CTPS2: variants seen among roughly 807,000 people sequenced by gnomAD.
The protein encoded by CTPS2 is CTP synthase 2.
In CTPS2, 19 loss-of-function variants were observed where a neutral mutation model predicts 46.8. The observed-to-expected ratio is 0.41, with a 90% confidence interval of 0.28 to 0.60. The LOEUF (loss-of-function observed/expected upper bound fraction) is 0.60, where lower values mean the gene tolerates loss of function less well. Ranked by LOEUF, CTPS2 falls within the 20% of genes least tolerant of loss-of-function variation. The probability of loss-of-function intolerance (pLI) is 0.35; values close to 1 mark genes in which losing one functional copy is unlikely to be tolerated. For synonymous variants in CTPS2, 151 were observed against 165.2 expected (o/e 0.91, Z 0.66); for missense variants, 286 against 447.6 (o/e 0.64, Z 3.26).
chrX:16,598,738 G>T (rs1476190432), intron 17 of CTPS2, among the ~76,000 whole-genome samples: 1 of 110,538 alleles, frequency 9.0e-6, no homozygotes, highest in Non-Finnish European at 1.9e-5. Context: ...TACCAAAGCC[G>T]GGCAGAGACA....
At chrX:16,710,615 TTTG>T (rs752125009) in intron 1 of CTPS2, among the ~76,000 whole-genome samples, 209 of 111,574 alleles carry the variant, frequency 1.9e-3, no homozygotes, top group Non-Finnish European at 3.6e-3. Context: ...TTCTTCCTAC[TTTG>T]TTGTTGTTGT....
At chrX:16,704,676 G>A (rs1186674995) in intron 1 of CTPS2, among the ~76,000 whole-genome samples, 2 of 111,478 alleles carry the variant, frequency 1.8e-5, no homozygotes, top group Admixed American at 9.6e-5. Context: ...CGCCGGGCAC[G>A]GTGGCTCACA....
chrX:16,653,482 C>T (rs57541709), intron 13 of CTPS2, among the ~76,000 whole-genome samples: 4,778 of 111,863 alleles, frequency 0.043, 273 homozygotes, highest in African/African-American at 0.15. Context: ...TGGTGGCACA[C>T]GCCTTTAGTC....
chrX:16,673,737 C>T (rs897798437), intron 10 of CTPS2, among the ~76,000 whole-genome samples: 1 of 112,043 alleles, frequency 8.9e-6, no homozygotes, highest in African/African-American at 3.2e-5. Context: ...AAAATAAAGA[C>T]ATTTGGTCTA....
At chrX:16,682,980 G>A in intron 9 of CTPS2, 114 bp downstream of exon 9, 1 of 788,245 alleles carries the variant, frequency 1.3e-6, no homozygotes. Flanking sequence ...TTCTTCTGGT[G>A]AATCGTAAGT....
Position 16,642,133 on chromosome X carries a change from C to T in CTPS2, c.1297-2890G>A, listed in dbSNP as rs188212577. On this transcript the variant is annotated intron_variant, in intron 13 of 18. Coordinates refer to ENST00000359276, the MANE Select transcript of CTPS2 (RefSeq NM_175859.3). ...TAATGAAAATACAAGTTTAAGTCAT[C>T]AAGAGTAAAATGTAGTATTTAGGCC... Among the ~76,000 whole-genome samples, 30 of 112,010 alleles carry T rather than the reference C, an allele frequency of 2.7e-4. No individual in the cohort carries two copies. In the East Asian group the frequency reaches 7.8e-3, roughly 29 times the overall value.
chrX:16,636,912 G>A (rs111387544), intron 14 of CTPS2, among the ~76,000 whole-genome samples: 3,065 of 109,509 alleles, frequency 0.028, 115 homozygotes, highest in African/African-American at 0.096. Context: ...GCCAGACTCC[G>A]TCTCAAAAAA....
intron 15 of CTPS2, among the ~76,000 whole-genome samples, chrX:16,617,521 G>A (rs1930598118): frequency 8.9e-6 from 1 of 112,097 alleles, no homozygotes; most frequent in Admixed American, 9.4e-5. Context: ...GGAACCTTGA[G>A]ACTAGTTATT....
At chrX:16,613,347 G>A (rs1422594016) in intron 16 of CTPS2, among the ~76,000 whole-genome samples, 1 of 111,722 alleles carries the variant, frequency 9.0e-6, no homozygotes, top group Non-Finnish European at 1.9e-5. Flanking sequence ...AGGAGGTATT[G>A]GAGAAGGGAT....
At chrX:16,666,618 C>T (rs1364054906) in intron 13 of CTPS2, among the ~76,000 whole-genome samples, 1 of 111,212 alleles carries the variant, frequency 9.0e-6, no homozygotes, top group East Asian at 2.8e-4. Flanking sequence ...CACTGCATTC[C>T]AGCCTGTGTG....
At chrX:16,655,529 T>C (rs1320898292) in intron 13 of CTPS2, among the ~76,000 whole-genome samples, 1 of 111,094 alleles carries the variant, frequency 9.0e-6, no homozygotes, top group African/African-American at 3.3e-5. Flanking sequence ...AGTTCAAATG[T>C]TAACGTTCAA....
At chrX:16,655,637 T>C (rs1932798967) in intron 13 of CTPS2, among the ~76,000 whole-genome samples, 1 of 111,671 alleles carries the variant, frequency 9.0e-6, no homozygotes, top group Non-Finnish European at 1.9e-5. Flanking sequence ...CTGACCCTAA[T>C]AGCCTGGTCA....
At chrX:16,666,733 A>G in intron 13 of CTPS2, among the ~76,000 whole-genome samples, 1 of 111,692 alleles carries the variant, frequency 9.0e-6, no homozygotes, top group Admixed American at 9.6e-5. Context: ...CAGGTGACAG[A>G]GCACAGTGGC....
chrX:16,603,325 A>C (rs1929775273), intron 17 of CTPS2, among the ~76,000 whole-genome samples: 1 of 109,823 alleles, frequency 9.1e-6, no homozygotes, highest in Non-Finnish European at 1.9e-5. Flanking sequence ...GCTGAGGCAG[A>C]GAATTGCTTG....
chrX:16,712,043 G>T (rs921678131), intron 1 of CTPS2: 1 of 110,076 alleles, frequency 9.1e-6, no homozygotes, highest in African/African-American at 3.3e-5. Flanking sequence ...GCGGAGGCGG[G>T]AAGAAGCGCG....
At chrX:16,686,746 A>C (rs1336333360) in intron 8 of CTPS2, among the ~76,000 whole-genome samples, 2 of 111,166 alleles carry the variant, frequency 1.8e-5, no homozygotes, top group African/African-American at 6.5e-5. Flanking sequence ...TCTATAAAAA[A>C]CACAAAAATT....
chrX:16,672,113 G>C (rs1049589519), intron 10 of CTPS2, among the ~76,000 whole-genome samples: 25 of 111,333 alleles, frequency 2.2e-4, no homozygotes, highest in African/African-American at 7.8e-4. Context: ...TCTCAGTAAA[G>C]TCCCTCTCTG....
chrX:16,684,889 C>T (rs904542801), intron 8 of CTPS2, among the ~76,000 whole-genome samples: 2 of 111,344 alleles, frequency 1.8e-5, no homozygotes, highest in Non-Finnish European at 3.8e-5. Flanking sequence ...TCAGGAGTTC[C>T]AGACCAGCCT....
At chrX:16,590,088 C>T (rs1024152810) in intron 18 of CTPS2, among the ~76,000 whole-genome samples, 3 of 112,589 alleles carry the variant, frequency 2.7e-5, no homozygotes, top group South Asian at 3.7e-4. Context: ...TTTACTGAAG[C>T]TATCCAGGCT....
Sources: gnomAD v4.1 joint callset for allele counts (sites outside exome capture counted in the v4.1 genomes callset) on GRCh38, gnomAD v4.1.1 for gene constraint, MANE v1.5 for transcripts, NCBI Gene and HGNC (gene_info 2026-07-23, HGNC 2026-07-21) for gene names.